DYNC2H1: variants seen among roughly 807,000 people sequenced by gnomAD.
DYNC2H1 encodes the protein dynein cytoplasmic 2 heavy chain 1, also known as cytoplasmic dynein 2 heavy chain 1.
Under a neutral mutation model 570.0 loss-of-function variants are expected in DYNC2H1, and 410 were observed. The ratio of observed to expected loss-of-function variants is 0.72; its 90% CI spans 0.66 to 0.78. The LOEUF is 0.78. DYNC2H1 is among the 30% of genes least tolerant of loss of function. The pLI is 0.00. For synonymous variants in DYNC2H1, 1,688 were observed against 1,677.6 expected (o/e 1.01, Z -0.15); for missense variants, 4,865 against 5,046.4 (o/e 0.96, Z 1.09).
At chr11:103,436,811 T>G (rs185861877) in intron 85 of DYNC2H1, among the ~76,000 whole-genome samples, 45 of 152,260 alleles carry the variant, frequency 3.0e-4, no homozygotes, top group African/African-American at 1.0e-3. Context: ...CCTGTTCAGT[T>G]CTCTATCACT....
Position 103,170,319 on chromosome 11 carries a change from A to G in DYNC2H1, c.5151+29A>G. On this transcript the variant is annotated intron_variant, in intron 33 of 88. Coordinates refer to ENST00000375735, the MANE Select transcript of DYNC2H1 (RefSeq NM_001377.3). The surrounding 1 kb of genome is among the most constrained non-coding windows in gnomAD (Gnocchi z 4.8). The stretch of plus-strand genomic sequence containing the variant: ...GAATAAATAATTATCAAAATATGTA[A>G]CAATGGGTTAATCATATTTAGATTA... The G allele has an allele frequency of 6.6e-7, 1 of 1,514,736 alleles. No individual in the cohort carries two copies. Among genetic ancestry groups the G allele is most frequent in the Non-Finnish European group, 8.8e-7 (1 of 1,130,168 alleles). The allele number at this position is 1,514,736 out of a possible 1,614,324, so 93.8% of individuals were successfully genotyped here.
chr11:103,132,085 T>A (rs1195239551), intron 13 of DYNC2H1, among the ~76,000 whole-genome samples: 2 of 152,172 alleles, frequency 1.3e-5, no homozygotes, highest in East Asian at 1.9e-4. Flanking sequence ...ACACATATAA[T>A]GCTTAGGAAG....
intron 83 of DYNC2H1, among the ~76,000 whole-genome samples, chr11:103,392,147 C>T (rs1399608213): frequency 6.6e-6 from 1 of 152,218 alleles, no homozygotes; most frequent in Non-Finnish European, 1.5e-5. Flanking sequence ...GTGGACTCCA[C>T]CCAGTTCGAG....
At chr11:103,176,763 TGGTGTG>T (rs1191373626) in intron 37 of DYNC2H1, among the ~76,000 whole-genome samples, 1 of 152,116 alleles carries the variant, frequency 6.6e-6, no homozygotes, top group Non-Finnish European at 1.5e-5. Context: ...TGGAGTGCGG[TGGTGTG>T]ATCTCGGCCC....
At chr11:103,306,315 T>C (rs1353266021) in intron 77 of DYNC2H1, among the ~76,000 whole-genome samples, 1 of 152,234 alleles carries the variant, frequency 6.6e-6, no homozygotes, top group East Asian at 1.9e-4. Context: ...CTATGTAAAA[T>C]GTAATTAGAG....
intron 17 of DYNC2H1, among the ~76,000 whole-genome samples, 167 bp from the exon 18 acceptor site, chr11:103,143,101 C>A (rs1298011751): frequency 6.6e-6 from 1 of 152,006 alleles, no homozygotes; most frequent in African/African-American, 2.4e-5. Flanking sequence ...TCTCTTTTTT[C>A]TGTTTATTCT....
At chr11:103,231,437 T>C in intron 60 of DYNC2H1, 91 bp downstream of exon 60, 2 of 773,010 alleles carry the variant, frequency 2.6e-6, no homozygotes, top group Non-Finnish European at 4.1e-6. Context: ...TTTTAAGATT[T>C]AGACTCTTAT....
intron 75 of DYNC2H1, 42 bp downstream of exon 75, chr11:103,287,647 T>C: frequency 6.7e-7 from 1 of 1,492,638 alleles, no homozygotes; most frequent in South Asian, 1.3e-5. Context: ...CTGACCTGAA[T>C]TATTTGTTTT....
intron 17 of DYNC2H1, among the ~76,000 whole-genome samples, chr11:103,136,829 T>G (rs1859584907): frequency 6.6e-6 from 1 of 152,240 alleles, no homozygotes; most frequent in Non-Finnish European, 1.5e-5. Context: ...TGAACTAGTT[T>G]ACAGTCCCAC....
chr11:103,440,079 G>T (rs1448994701), intron 85 of DYNC2H1, among the ~76,000 whole-genome samples: 1 of 151,992 alleles, frequency 6.6e-6, no homozygotes, highest in African/African-American at 2.4e-5. Context: ...CTTTATCCTA[G>T]TTTTCTCAAC....
rs751331098 is a variant in DYNC2H1 at position 103,479,119 on chromosome 11, G to A, written c.12790G>A (p.Asp4264Asn). Residue 4264 changes from aspartate to asparagine, a missense_variant, in exon 89 of 89, where the codon GAT becomes AAT. Physicochemically the swap from Asp to Asn is conservative, Grantham distance 23. Transcript: ENST00000375735. ...PQDACGPYSP[D>N]ECISLPVYTS... ...GGATGCATGTGGTCCATATTCTCCG[G>A]ATGAGTGCATCTCTTTGCCTGTTTA... 4.3e-6 allele frequency: 7 copies of A among 1,613,622 alleles called. No individual in the cohort carries two copies. The Admixed American group carries it at 1.2e-4, about 27-fold the overall frequency.
intron 5 of DYNC2H1, among the ~76,000 whole-genome samples, chr11:103,116,977 C>T (rs1377171179): frequency 2.0e-5 from 3 of 150,526 alleles, no homozygotes; most frequent in African/African-American, 7.3e-5. Flanking sequence ...TTGAAATAAA[C>T]TGAAAAATTA....
At position 103,249,187 on chromosome 11, in the gene DYNC2H1, A is replaced by G. The variant is rs939424625; in HGVS notation, c.10042+3813A>G. On this transcript the variant is annotated intron_variant, in intron 65 of 88. Transcript: ENST00000375735. The surrounding 1 kb of genome is among the most constrained non-coding windows in gnomAD (Gnocchi z 4.6). ...TGAATAAGAGATGAGACAACACTGA[A>G]GAGTCTTTTTTAGACAATAAAATAT... Among the ~76,000 whole-genome samples, 1 of 151,902 alleles carries G rather than the reference A, an allele frequency of 6.6e-6. No homozygotes were observed. The highest frequency in any genetic ancestry group is 2.4e-5 in the African/African-American group (1 of 41,328).
intron 84 of DYNC2H1, among the ~76,000 whole-genome samples, chr11:103,428,681 G>C (rs929513283): frequency 3.9e-5 from 6 of 152,048 alleles, no homozygotes; most frequent in Non-Finnish European, 8.8e-5. Flanking sequence ...TCTACTTTCT[G>C]TCTCTGTGAA....
Position 103,185,759 on chromosome 11 carries a change from C to T in DYNC2H1, c.6634-483C>T, listed in dbSNP as rs1275604313. ...TGCTTTTAAGCACATACTCTCTTGT[C>T]AAAGTTCCGAATAAATGTATTGAAG... On this transcript the variant is annotated intron_variant, in intron 41 of 88. Transcript: ENST00000375735. The surrounding 1 kb of genome is among the most constrained non-coding windows in gnomAD (Gnocchi z 4.5). Among the ~76,000 whole-genome samples the T allele has an allele frequency of 2.6e-5, 4 of 151,872 alleles. No homozygotes were observed. The highest frequency in any genetic ancestry group is 9.7e-5 in the African/African-American group (4 of 41,382).
intron 83 of DYNC2H1, among the ~76,000 whole-genome samples, chr11:103,391,865 C>T (rs1331275352): frequency 1.3e-5 from 2 of 152,118 alleles, no homozygotes; most frequent in Non-Finnish European, 2.9e-5. Flanking sequence ...GAAGCTTTGT[C>T]TCAGAGGGGT....
rs1944746091 is a variant in DYNC2H1 at position 103,455,201 on chromosome 11, G to T, written c.12472G>T (p.Ala4158Ser). Residue 4158 changes from alanine to serine, a missense_variant, in exon 86 of 89, where the codon GCT becomes TCT. Ala to Ser is a moderately conservative substitution (Grantham distance 99). This residue lies in a region of DYNC2H1 where 2,401 missense variants were observed against 2,454.6 expected (regional missense o/e 0.98). Coordinates refer to ENST00000375735, the MANE Select transcript of DYNC2H1 (RefSeq NM_001377.3). Reference protein sequence around the residue: ...ALAIQNWVDKAEKQALLSETL... With the variant: ...ALAIQNWVDKSEKQALLSETL... ...CCCCCTCTAGAACTGGGTAGATAAA[G>T]CTGAAAAACAGGCTCTTCTCTCTGA... is the stretch of plus-strand genomic sequence containing the variant. The T allele has an allele frequency of 6.2e-7, 1 of 1,613,090 alleles. No homozygotes were observed. Among genetic ancestry groups the T allele is most frequent in the South Asian group, 1.1e-5 (1 of 91,034 alleles).
At chr11:103,190,711 C>G (rs770077341) in intron 45 of DYNC2H1, among the ~76,000 whole-genome samples, 47 of 152,056 alleles carry the variant, frequency 3.1e-4, no homozygotes, top group Admixed American at 3.9e-4. Context: ...GTTAAGTAAT[C>G]AAGATCAGAA....
chr11:103,282,900 T>G, intron 72 of DYNC2H1, 108 bp from the exon 73 acceptor site: 1 of 753,734 alleles, frequency 1.3e-6, no homozygotes, highest in East Asian at 2.9e-5. Context: ...AAAGAAATAA[T>G]GCATAGAATG....
Sources: allele counts gnomAD v4.1 joint callset (sites outside exome capture counted in the v4.1 genomes callset), GRCh38; gene constraint gnomAD v4.1.1; regional missense constraint gnomAD v4.1.1; non-coding constraint Gnocchi (gnomAD v3.1); transcripts MANE v1.5; gene names NCBI Gene and HGNC (gene_info 2026-07-23, HGNC 2026-07-21).